Variants in PLEKHG4B observed in about 807,000 individuals in gnomAD.
The protein encoded by PLEKHG4B is pleckstrin homology domain-containing family G member 4B.
PLEKHG4B carries 111 observed loss-of-function variants against 121.3 expected under a neutral mutation model. The ratio of observed to expected loss-of-function variants is 0.92; its 90% CI spans 0.78 to 1.07. PLEKHG4B has a LOEUF of 1.07. Ranked by LOEUF, PLEKHG4B falls within the 50% of genes least tolerant of loss-of-function variation. The pLI, the probability that PLEKHG4B is intolerant of heterozygous loss-of-function variation, is 0.00. For synonymous variants in PLEKHG4B, 738 were observed against 725.0 expected (o/e 1.02, Z -0.29); for missense variants, 1,831 against 1,757.8 (o/e 1.04, Z -0.74).
chr5:169,479 G>C lies in PLEKHG4B; in HGVS notation c.3616G>C (p.Val1206Leu). 6.2e-7 allele frequency: 1 copy of C among 1,614,244 alleles called. No individual in the cohort carries two copies. Among genetic ancestry groups the C allele is most frequent in the African/African-American group, 1.3e-5 (1 of 75,080 alleles). The change falls in exon 14 of 20, where the codon GTT becomes CTT. Residue 1206 changes from valine to leucine, a missense_variant. Transcript: ENST00000637938. ...LPQGLRGKHH[V>L]IFGNLEKLHD... ...CCAGGGCCTTCGAGGGAAGCACCAC[G>C]TTATTTTCGGCAACTTGGAGAAGCT... is the stretch of plus-strand genomic sequence containing the variant.
chr5:116,325 A>G (rs1451140364), intron 2 of PLEKHG4B, among the ~76,000 whole-genome samples: 4 of 152,232 alleles, frequency 2.6e-5, no homozygotes, highest in Non-Finnish European at 4.4e-5. Context: ...CAATTACAAT[A>G]GTAACATCAA....
intron 9 of PLEKHG4B, 122 bp from the exon 10 acceptor site, chr5:155,949 G>C (rs1735763362): frequency 9.4e-7 from 1 of 1,058,342 alleles, no homozygotes; most frequent in African/African-American, 1.6e-5. Flanking sequence ...AGTGGGCACT[G>C]TCATGCCGCC....
intron 2 of PLEKHG4B, among the ~76,000 whole-genome samples, chr5:133,686 GTA>G (rs1481645445): frequency 6.6e-6 from 1 of 152,102 alleles, no homozygotes; most frequent in Non-Finnish European, 1.5e-5. Flanking sequence ...TGGTGGGAAT[GTA>G]AACTAATACA....
chr5:142,990 T>G, intron 3 of PLEKHG4B, 57 bp from the exon 4 acceptor site: 2 of 1,513,996 alleles, frequency 1.3e-6, no homozygotes, highest in Admixed American at 3.4e-5. Flanking sequence ...GCATAGCAGC[T>G]GCTTTCAACG....
At chr5:158,416 G>C (rs1735870308) in intron 11 of PLEKHG4B, among the ~76,000 whole-genome samples, 1 of 142,780 alleles carries the variant, frequency 7.0e-6, no homozygotes, top group Non-Finnish European at 1.5e-5. Context: ...GCCCATCCTG[G>C]GGGTCTCCTC....
intron 2 of PLEKHG4B, among the ~76,000 whole-genome samples, chr5:115,840 G>T (rs913907846): frequency 6.6e-6 from 1 of 152,206 alleles, no homozygotes; most frequent in African/African-American, 2.4e-5. Context: ...TGGCTTAAGG[G>T]AATGTTGTAT....
chr5:174,028 G>A lies in PLEKHG4B; in HGVS notation c.4332G>A (p.Ser1444=), dbSNP rs753264504. The change falls in exon 18 of 20, where the codon TCG becomes TCA. Residue 1444 remains serine, a synonymous_variant. Transcript: ENST00000637938. ...SQDTYILQAS[S]AEVKSAWTDV... is the part of the protein sequence containing the mutation. ...ACACCTACATTCTCCAAGCAAGCTC[G>A]GCAGAGGTCAAGAGTGCATGGACCG... is the stretch of plus-strand genomic sequence containing the variant. 3.4e-5 allele frequency: 54 copies of A among 1,606,594 alleles called. 1 individual carries two copies. The highest frequency in any genetic ancestry group is 1.9e-4 in the South Asian group (17 of 89,446).
chr5:107,806 G>C (rs573206351), intron 1 of PLEKHG4B, among the ~76,000 whole-genome samples: 165 of 152,302 alleles, frequency 1.1e-3, no homozygotes, highest in African/African-American at 3.8e-3. Flanking sequence ...GCTCATCAGA[G>C]AGCAGCTAGC....
chr5:186,052 C>T lies in PLEKHG4B; in HGVS notation c.*3729C>T, dbSNP rs1579342242. The stretch of plus-strand genomic sequence containing the variant: ...TCTGTGGGGAAGGAGGTGCCCAGCC[C>T]TGGGAGGCCATCTTGCTCCTGCTTT... On this transcript the variant is annotated 3_prime_UTR_variant, in exon 20 of 20. Transcript: ENST00000637938. The T allele has an allele frequency of 6.6e-6, 1 of 152,316 alleles. No individual in the cohort carries two copies. Among genetic ancestry groups the T allele is most frequent in the Non-Finnish European group, 1.5e-5 (1 of 68,100 alleles). 9.4% of individuals were successfully genotyped at this position (152,316 alleles called of 1,614,324 possible).
chr5:134,765 C>CAA (rs147226236), intron 2 of PLEKHG4B, among the ~76,000 whole-genome samples: 3 of 84,688 alleles, frequency 3.5e-5, no homozygotes, highest in East Asian at 5.0e-4. Flanking sequence ...GACTCTGTCT[C>CAA]AAAAAAAAAA....
chr5:188,215 A>G lies in PLEKHG4B; in HGVS notation c.*5892A>G, dbSNP rs1993518. On this transcript the variant is annotated 3_prime_UTR_variant, in exon 20 of 20. Coordinates refer to ENST00000637938, the MANE Select transcript of PLEKHG4B (RefSeq NM_052909.5). ...CAGCCTCCCGTTCAGAGAAGGCTCC[A>G]TCCTGGGGACACGCCTCTCCCAAGG... is the stretch of plus-strand genomic sequence containing the variant. The G allele has an allele frequency of 0.74, 113,063 of 152,060 alleles. 42,305 individuals carry two copies. The highest frequency in any genetic ancestry group is 0.76 in the Non-Finnish European group (51,957 of 68,062). The allele number at this position is 152,060 out of a possible 1,614,324, so 9.4% of individuals were successfully genotyped here. A position where few individuals can be genotyped will look rare whatever the true frequency, so the allele number is the denominator to read the frequency against.
chr5:163,251 C>T lies in PLEKHG4B; in HGVS notation c.3179C>T (p.Ser1060Phe). Residue 1060 changes from serine (S) to phenylalanine (F), a missense_variant, in exon 13 of 20, where the codon TCC becomes TTC. Transcript: ENST00000637938. ...CACCTGGAGGACAGCTCTGCCTGTT[C>T]CTCTGAGCCCACCCAGACCCTGGCC... ...TAHLEDSSACSSEPTQTLASR... is the reference protein window; with the variant it reads ...TAHLEDSSACFSEPTQTLASR... 1 of 1,611,404 alleles carries T rather than the reference C, an allele frequency of 6.2e-7. No homozygotes were observed. The highest frequency in any genetic ancestry group is 8.5e-7 in the Non-Finnish European group (1 of 1,179,194).
In PLEKHG4B at chr5:143,029, CCT is replaced by C; in HGVS notation, c.1478-15_1478-14del. 1 of 1,609,348 alleles carries C rather than the reference CCT, an allele frequency of 6.2e-7. No homozygotes were observed. Among genetic ancestry groups the C allele is most frequent in the Non-Finnish European group, 8.5e-7 (1 of 1,176,470 alleles). On this transcript the variant is annotated splice_polypyrimidine_tract_variant and intron_variant, in intron 3 of 19. Transcript: ENST00000637938. ...AGGAAAACCTTCATCTTTGACACGG[CCT>C]CTTTCCTTTGTCCAGACGTTCTTGC...
At position 151,609 on chromosome 5, in the gene PLEKHG4B, T is replaced by C. The variant is rs748183920; in HGVS notation, c.1992+10T>C. On this transcript the variant is annotated intron_variant, in intron 7 of 19. Transcript: ENST00000637938. ...GGATGCAATAATTCAGGTAATGGTT[T>C]AGACTGTGGGATCCTGAGTGATGGA... 1.3e-6 allele frequency: 2 copies of C among 1,536,764 alleles called. No homozygotes were observed. Among genetic ancestry groups the C allele is most frequent in the Non-Finnish European group, 1.8e-6 (2 of 1,114,944 alleles).
chr5:108,225 C>CAGT (rs1477886632), intron 1 of PLEKHG4B, among the ~76,000 whole-genome samples: 4 of 152,176 alleles, frequency 2.6e-5, no homozygotes, highest in Admixed American at 2.6e-4. Context: ...GCATTAGGAA[C>CAGT]CAGGGATGAT....
intron 2 of PLEKHG4B, among the ~76,000 whole-genome samples, chr5:125,513 C>T (rs909586882): frequency 3.3e-5 from 5 of 152,110 alleles, no homozygotes; most frequent in Admixed American, 2.0e-4. Flanking sequence ...CAGAAAATTA[C>T]ATCTTTATAC....
chr5:161,415 A>G (rs1319301832), intron 11 of PLEKHG4B, among the ~76,000 whole-genome samples: 1 of 152,222 alleles, frequency 6.6e-6, no homozygotes, highest in African/African-American at 2.4e-5. Context: ...GGCCCGTGCC[A>G]CCTCTCATCA....
At chr5:125,596 A>T (rs1036810403) in intron 2 of PLEKHG4B, among the ~76,000 whole-genome samples, 4 of 151,886 alleles carry the variant, frequency 2.6e-5, no homozygotes, top group African/African-American at 7.2e-5. Context: ...AATTCTTATA[A>T]ATATATTAGT....
In PLEKHG4B at chr5:169,392, A is replaced by G. The variant is rs771901700; in HGVS notation, c.3529A>G (p.Ile1177Val). Residue 1177 changes from isoleucine to valine, a missense_variant, in exon 14 of 20, where the codon ATT (isoleucine) becomes GTT (valine). Transcript: ENST00000637938. ...GATGATCGCCACAGAGAGGGAGTAC[A>G]TTCGGTGCTTAGGATACGTCATTGA... ...AEMIATEREY[I>V]RCLGYVIDNY... 5.0e-6 allele frequency: 8 copies of G among 1,614,016 alleles called. No individual in the cohort carries two copies. The highest frequency in any genetic ancestry group is 3.3e-5 in the South Asian group (3 of 91,094).
Sources: gnomAD v4.1 joint callset for allele counts (sites outside exome capture counted in the v4.1 genomes callset) on GRCh38, gnomAD v4.1.1 for gene constraint, MANE v1.5 for transcripts, NCBI Gene and HGNC (gene_info 2026-07-23, HGNC 2026-07-21) for gene names.